FSTL4: variants seen among roughly 807,000 people sequenced by gnomAD.
FSTL4 encodes the protein follistatin-related protein 4.
A neutral mutation model predicts 78.2 loss-of-function variants in FSTL4; 28 were observed. The observed-to-expected ratio is 0.36, with a 90% CI of 0.27 to 0.49. The LOEUF is 0.49. FSTL4 is among the 20% of genes least tolerant of loss of function. FSTL4 has a pLI of 0.98. For missense variants in FSTL4, 922 were observed against 1,084.9 expected, an observed-to-expected ratio of 0.85 and a Z score of 2.11; for synonymous variants, 422 against 440.5, an observed-to-expected ratio of 0.96 and a Z score of 0.53.
chr5:133,637,184 A>C, the FSTL4 span, among the ~76,000 whole-genome samples: 1 of 152,088 alleles, frequency 6.6e-6, no homozygotes, highest in African/African-American at 2.4e-5. Context: ...ACTTGATGTC[A>C]TAATTCTTCC....
chr5:133,794,725 T>G, the FSTL4 span, among the ~76,000 whole-genome samples: 1 of 152,148 alleles, frequency 6.6e-6, no homozygotes, highest in East Asian at 1.9e-4. Flanking sequence ...GACAAGTACT[T>G]GCCTAATGAC....
At chr5:133,485,703 G>A (rs1401847022) in intron 3 of FSTL4, among the ~76,000 whole-genome samples, 2 of 152,196 alleles carry the variant, frequency 1.3e-5, no homozygotes, top group Non-Finnish European at 2.9e-5. Context: ...AGCAACGTTC[G>A]GGTCCTCGGC....
intron 3 of FSTL4, among the ~76,000 whole-genome samples, chr5:133,408,373 C>T (rs982264039): frequency 4.6e-5 from 7 of 152,152 alleles, no homozygotes; most frequent in African/African-American, 1.4e-4. Context: ...TCAGAGCCCC[C>T]AGCCTCACAA....
At chr5:133,363,611 A>C (rs1224367269) in intron 4 of FSTL4, among the ~76,000 whole-genome samples, 1 of 152,116 alleles carries the variant, frequency 6.6e-6, no homozygotes, top group Non-Finnish European at 1.5e-5. Context: ...TTGCCTTAAA[A>C]ATAACATTTA....
intron 3 of FSTL4, among the ~76,000 whole-genome samples, chr5:133,460,275 C>T (rs1757567179): frequency 6.6e-6 from 1 of 152,032 alleles, no homozygotes; most frequent in African/African-American, 2.4e-5. Flanking sequence ...ACCTGGACAC[C>T]CTCCACCGGT....
At chr5:133,240,359 C>T (rs1244497974) in intron 7 of FSTL4, among the ~76,000 whole-genome samples, 1 of 152,200 alleles carries the variant, frequency 6.6e-6, no homozygotes, top group Non-Finnish European at 1.5e-5. Context: ...TCAGAGTCCT[C>T]TCAAGAAAAA....
At chr5:133,831,364 A>T in the FSTL4 span, among the ~76,000 whole-genome samples, 1 of 152,300 alleles carries the variant, frequency 6.6e-6, no homozygotes, top group South Asian at 2.1e-4. Context: ...AATTCCTTTT[A>T]ATGACTCTTA....
rs1224477282 is a variant in FSTL4, at chr5:133,361,709, G to T, written c.409+39029C>A. ...CCCTCTAAGACAGTGGTTCTAAGTG[G>T]GGCAGAACTGCCTTGTAGTGGTTTT... is the stretch of plus-strand genomic sequence containing the variant. On this transcript the variant is annotated intron_variant, in intron 4 of 15. Transcript: ENST00000265342. This position sits in a 1 kb window ranked among gnomAD's most constrained non-coding sequence, Gnocchi z 4.3. 5.9e-5 allele frequency among the ~76,000 whole-genome samples: 9 copies of T among 152,184 alleles called. No individual in the cohort carries two copies. Among genetic ancestry groups the T allele is most frequent in the Non-Finnish European group, 1.3e-4 (9 of 68,032 alleles).
chr5:133,432,280 T>C (rs1213143596), intron 3 of FSTL4, among the ~76,000 whole-genome samples: 2 of 152,260 alleles, frequency 1.3e-5, no homozygotes, highest in Non-Finnish European at 2.9e-5. Context: ...ATGGTCTTTT[T>C]GTATGTCACA....
chr5:133,499,369 T>TACGC (rs1758439620), intron 3 of FSTL4, among the ~76,000 whole-genome samples: 1 of 126,694 alleles, frequency 7.9e-6, no homozygotes, highest in Non-Finnish European at 1.7e-5. Flanking sequence ...ACAAGGGGAA[T>TACGC]ACACACACAC....
chr5:133,731,467 A>G, the FSTL4 span, among the ~76,000 whole-genome samples: 14 of 152,348 alleles, frequency 9.2e-5, no homozygotes, highest in Middle Eastern at 3.4e-3. Context: ...ACAGCAAGCT[A>G]GAAACACAAA....
chr5:133,346,522 G>A (rs1449004744), intron 4 of FSTL4, among the ~76,000 whole-genome samples: 1 of 152,132 alleles, frequency 6.6e-6, no homozygotes, highest in African/African-American at 2.4e-5. Flanking sequence ...TTGATAACTT[G>A]TCTTTTACCT....
At chr5:133,603,727 A>G in intron 2 of FSTL4, 131 bp downstream of exon 2, 1 of 1,076,132 alleles carries the variant, frequency 9.3e-7, no homozygotes, top group Non-Finnish European at 1.4e-6. Context: ...TGTCCCCACC[A>G]AAAAGGAAGT....
intron 4 of FSTL4, among the ~76,000 whole-genome samples, chr5:133,397,852 A>AGATG (rs1413443381): frequency 6.6e-6 from 1 of 152,268 alleles, no homozygotes; most frequent in Non-Finnish European, 1.5e-5. Flanking sequence ...AGAGAATGAA[A>AGATG]GATGGATGAT....
At chr5:133,212,607 T>C (rs538715761) in intron 13 of FSTL4, among the ~76,000 whole-genome samples, 1 of 152,272 alleles carries the variant, frequency 6.6e-6, no homozygotes, top group Non-Finnish European at 1.5e-5. Context: ...GAAAGAGACA[T>C]GTGAGACCCA....
the FSTL4 span, among the ~76,000 whole-genome samples, chr5:133,644,314 GT>G: frequency 5.3e-4 from 79 of 149,340 alleles, no homozygotes; most frequent in African/African-American, 9.3e-4. Context: ...TTTTGTGTGT[GT>G]TTTTTTTTTC....
the FSTL4 span, among the ~76,000 whole-genome samples, chr5:133,739,414 T>C: frequency 6.6e-6 from 1 of 152,078 alleles, no homozygotes; most frequent in African/African-American, 2.4e-5. Context: ...AGGAACCCAC[T>C]GCCAGCAGAA....
chr5:133,559,060 C>T (rs1207333172), intron 3 of FSTL4, among the ~76,000 whole-genome samples: 1 of 152,086 alleles, frequency 6.6e-6, no homozygotes, highest in African/African-American at 2.4e-5. Flanking sequence ...TACAAAAGAG[C>T]TTTAAAAGAT....
chr5:133,241,550 C>A (rs989595859), intron 7 of FSTL4, among the ~76,000 whole-genome samples: 2 of 152,232 alleles, frequency 1.3e-5, no homozygotes, highest in Admixed American at 6.5e-5. Flanking sequence ...TACCTCTTGA[C>A]ATGCCAGGAC....
Sources: gnomAD v4.1 joint callset for allele counts (sites outside exome capture counted in the v4.1 genomes callset) on GRCh38, gnomAD v4.1.1 for gene constraint, Gnocchi (gnomAD v3.1) non-coding constraint, MANE v1.5 for transcripts, NCBI Gene and HGNC (gene_info 2026-07-23, HGNC 2026-07-21) for gene names.